Variants in PRDM6 observed in about 807,000 individuals in gnomAD.
PRDM6 encodes the protein putative histone-lysine N-methyltransferase PRDM6.
PRDM6 carries 25 observed loss-of-function variants against 60.8 expected under a neutral mutation model. The ratio of observed to expected loss-of-function variants is 0.41; its 90% confidence interval spans 0.30 to 0.57. The LOEUF is 0.57. PRDM6 is among the 20% of genes least tolerant of loss of function. The pLI is 0.27. For missense variants in PRDM6, 839 were observed against 821.3 expected (o/e 1.02, Z -0.26); for synonymous variants, 407 against 357.4 (o/e 1.14, Z -1.57).
At chr5:123,162,682 C>G (rs899883750) in intron 5 of PRDM6, among the ~76,000 whole-genome samples, 1 of 152,136 alleles carries the variant, frequency 6.6e-6, no homozygotes, top group Non-Finnish European at 1.5e-5. Flanking sequence ...GTGACAATCC[C>G]CTTTCCCCCA....
At chr5:123,115,838 TCTC>T (rs1764428096) in intron 3 of PRDM6, among the ~76,000 whole-genome samples, 2 of 152,286 alleles carry the variant, frequency 1.3e-5, no homozygotes, top group Admixed American at 1.3e-4. Flanking sequence ...TTCTTTCTTC[TCTC>T]CTCCTTTCCC....
rs916932360 is a variant in PRDM6, at chr5:123,188,644, G to A, written c.*1443G>A. ...CTGTTTGTAAATTTCATCATCACCT[G>A]ATATCAGGACACAGTCTTTTAAGGA... is the stretch of plus-strand genomic sequence containing the variant. On this transcript the variant is annotated 3_prime_UTR_variant, in exon 8 of 8. Coordinates refer to ENST00000407847, the MANE Select transcript of PRDM6 (RefSeq NM_001136239.4). The A allele has an allele frequency of 2.0e-5, 3 of 152,114 alleles. No individual in the cohort carries two copies. Among genetic ancestry groups the A allele is most frequent in the Non-Finnish European group, 4.4e-5 (3 of 68,026 alleles). The allele number at this position is 152,114 out of a possible 1,614,324, so 9.4% of individuals were successfully genotyped here.
At chr5:123,154,311 G>A (rs1765444273) in intron 3 of PRDM6, among the ~76,000 whole-genome samples, 1 of 152,014 alleles carries the variant, frequency 6.6e-6, no homozygotes, top group Non-Finnish European at 1.5e-5. Context: ...ATTTAAAGAA[G>A]TCATTAGCCT....
Position 123,090,534 on chromosome 5 carries a change from G to A in PRDM6, c.520G>A (p.Asp174Asn), listed in dbSNP as rs752049692. 89 of 1,519,374 alleles carry A rather than the reference G, an allele frequency of 5.9e-5. 2 individuals carry two copies. In the South Asian group the frequency reaches 1.0e-3, roughly 18 times the overall value. The allele number at this position is 1,519,374 out of a possible 1,614,324, so 94.1% of individuals were successfully genotyped here. A position where few individuals can be genotyped will look rare whatever the true frequency, so the allele number is the denominator to read the frequency against. ...CTTCCGCTGCAGCGCAGAGGAGCTG[G>A]ACTATTACCTGTATGGCCAGCAGCG... ...PRFRCSAEEL[D>N]YYLYGQQRME... Residue 174 changes from aspartate (D) to asparagine (N), a missense_variant, in exon 2 of 8, where the codon GAC becomes AAC. By Grantham distance (23) the Asp-to-Asn change is conservative. Around this residue, in one of 2 missense-constraint regions of PRDM6, gnomAD observed 730 missense variants for 648.8 expected, o/e 1.13. Coordinates refer to ENST00000407847, the MANE Select transcript of PRDM6 (RefSeq NM_001136239.4).
chr5:123,163,335 C>T (rs1281059802), intron 5 of PRDM6, among the ~76,000 whole-genome samples: 1 of 152,116 alleles, frequency 6.6e-6, no homozygotes, highest in Non-Finnish European at 1.5e-5. Context: ...TAACTTTTTT[C>T]CCATGGTTCT....
intron 3 of PRDM6, among the ~76,000 whole-genome samples, chr5:123,111,679 C>T (rs1416542237): frequency 8.3e-6 from 1 of 120,160 alleles, no homozygotes; most frequent in African/African-American, 3.3e-5. Flanking sequence ...GCAGGGGCGA[C>T]AGAGCGAGAA....
chr5:123,109,636 A>G (rs899995991), intron 3 of PRDM6, among the ~76,000 whole-genome samples: 16 of 152,244 alleles, frequency 1.1e-4, no homozygotes, highest in African/African-American at 3.6e-4. Flanking sequence ...TGCAACATGG[A>G]TGTTAAAAAA....
intron 7 of PRDM6, among the ~76,000 whole-genome samples, chr5:123,180,792 C>T (rs1766138166): frequency 6.6e-6 from 1 of 152,166 alleles, no homozygotes; most frequent in Non-Finnish European, 1.5e-5. Context: ...ATATATCCTC[C>T]TCTTTCCTAT....
intron 3 of PRDM6, among the ~76,000 whole-genome samples, chr5:123,129,544 A>C (rs1432903569): frequency 6.6e-6 from 1 of 152,220 alleles, no homozygotes; most frequent in Non-Finnish European, 1.5e-5. Context: ...CATATAAAAC[A>C]TACCAAATTC....
chr5:123,130,208 C>G (rs1179487614), intron 3 of PRDM6, among the ~76,000 whole-genome samples: 1 of 79,340 alleles, frequency 1.3e-5, no homozygotes, highest in African/African-American at 5.3e-5. Flanking sequence ...CTCCCCTTCC[C>G]TTTTCCCTTC....
intron 6 of PRDM6, among the ~76,000 whole-genome samples, chr5:123,174,947 A>G (rs1285607528): frequency 2.0e-5 from 3 of 152,234 alleles, no homozygotes; most frequent in African/African-American, 7.2e-5. Context: ...TCTTTTCCTG[A>G]ATAAATTCGA....
chr5:123,133,192 T>C (rs189257943), intron 3 of PRDM6, among the ~76,000 whole-genome samples: 121 of 152,262 alleles, frequency 7.9e-4, no homozygotes, highest in Non-Finnish European at 1.2e-3. Flanking sequence ...TAGTTATCTC[T>C]GTCATAATCT....
intron 3 of PRDM6, among the ~76,000 whole-genome samples, chr5:123,133,332 G>T (rs958428998): frequency 1.3e-5 from 2 of 151,992 alleles, no homozygotes; most frequent in African/African-American, 2.4e-5. Context: ...ACAACTGAAA[G>T]AAATAACTAC....
chr5:123,171,958 A>G (rs1011500278), intron 6 of PRDM6, among the ~76,000 whole-genome samples: 10 of 152,222 alleles, frequency 6.6e-5, no homozygotes, highest in African/African-American at 1.9e-4. Context: ...TTCATGTTCT[A>G]TGAAAACTTG....
rs1766370965 is a variant in PRDM6, at chr5:123,189,783, C to T, written c.*2582C>T. On this transcript the variant is annotated 3_prime_UTR_variant, in exon 8 of 8. Coordinates refer to ENST00000407847, the MANE Select transcript of PRDM6 (RefSeq NM_001136239.4). ...GTCCTATTGCCAGCTTCTAGCAGAC[C>T]AGCCTAGGCTGTCTGTCCACAAAGA... The T allele has an allele frequency of 6.6e-6, 1 of 152,210 alleles. No homozygotes were observed. The highest frequency in any genetic ancestry group is 1.5e-5 in the Non-Finnish European group (1 of 68,040). The allele number at this position is 152,210 out of a possible 1,614,324, so 9.4% of individuals were successfully genotyped here.
chr5:123,165,833 T>C (rs1258442951), intron 5 of PRDM6, among the ~76,000 whole-genome samples: 1 of 152,234 alleles, frequency 6.6e-6, no homozygotes, highest in East Asian at 1.9e-4. Context: ...AGAGTGATGA[T>C]GCCTTTAAAG....
intron 3 of PRDM6, among the ~76,000 whole-genome samples, chr5:123,106,826 A>T (rs1339205080): frequency 2.6e-5 from 4 of 152,248 alleles, no homozygotes; most frequent in Admixed American, 6.5e-5. Flanking sequence ...AGGATTTATA[A>T]ATTAGGCAAT....
Position 123,090,399 on chromosome 5 carries a change from G to T in PRDM6, c.385G>T (p.Ala129Ser). ...GCCTCTAGCCGCCGCTGCCGTCGCCGCCGAGCCGCTGCCCCCCAAGGAACT... is the reference window on the plus strand; with the variant it reads ...GCCTCTAGCCGCCGCTGCCGTCGCCTCCGAGCCGCTGCCCCCCAAGGAACT... ...FAPLAAAAVA[A>S]EPLPPKELCL... Residue 129 changes from alanine (A) to serine (S), a missense_variant, in exon 2 of 8, where the codon GCC becomes TCC. Physicochemically the swap from Ala to Ser is moderately conservative, Grantham distance 99 (BLOSUM62 1). Transcript: ENST00000407847. 1 of 1,459,330 alleles carries T rather than the reference G, an allele frequency of 6.9e-7. No homozygotes were observed. Among genetic ancestry groups the T allele is most frequent in the Non-Finnish European group, 9.0e-7 (1 of 1,112,160 alleles). 90.4% of individuals were successfully genotyped at this position (1,459,330 alleles called of 1,614,324 possible).
intron 2 of PRDM6, among the ~76,000 whole-genome samples, chr5:123,093,937 G>A (rs1763900340): frequency 6.6e-6 from 1 of 151,886 alleles, no homozygotes; most frequent in South Asian, 2.1e-4. Context: ...TCGGGGGAGA[G>A]TTGGACCACT....
Sources: gnomAD v4.1 joint callset for allele counts (sites outside exome capture counted in the v4.1 genomes callset) on GRCh38, gnomAD v4.1.1 for gene constraint, gnomAD v4.1.1 regional missense constraint, MANE v1.5 for transcripts, NCBI Gene and HGNC (gene_info 2026-07-23, HGNC 2026-07-21) for gene names.